Variants in FAM222B observed in about 807,000 individuals in gnomAD.
The protein encoded by FAM222B is protein FAM222B.
In FAM222B, 12 loss-of-function variants were observed where a neutral mutation model predicts 38.0. The ratio of observed to expected loss-of-function variants is 0.32; its 90% CI spans 0.20 to 0.51. The LOEUF (loss-of-function observed/expected upper bound fraction) is 0.51, where lower values mean the gene tolerates loss of function less well. Ranked by LOEUF, FAM222B falls within the 20% of genes least tolerant of loss-of-function variation. FAM222B has a pLI of 0.97. For missense variants in FAM222B, 716 were observed against 754.2 expected, an observed-to-expected ratio of 0.95 and a Z score of 0.59; for synonymous variants, 329 against 317.2, an observed-to-expected ratio of 1.04 and a Z score of -0.40.
intron 1 of FAM222B, among the ~76,000 whole-genome samples, chr17:28,850,747 T>C (rs1380401804): frequency 3.9e-5 from 6 of 152,184 alleles, no homozygotes; most frequent in African/African-American, 1.4e-4. Context: ...GTTGTTTTCA[T>C]CATTGTGGTT....
intron 1 of FAM222B, among the ~76,000 whole-genome samples, chr17:28,770,515 G>A (rs2035573944): frequency 6.6e-6 from 1 of 151,332 alleles, no homozygotes; most frequent in Admixed American, 6.6e-5. Flanking sequence ...CGATTCTCCT[G>A]CCTCAGCCTC....
chr17:28,759,558 G>C lies in FAM222B; in HGVS notation c.401C>G (p.Ala134Gly), dbSNP rs1391122077. The C allele has an allele frequency of 1.2e-6, 2 of 1,608,352 alleles. No homozygotes were observed. The highest frequency in any genetic ancestry group is 2.2e-5 in the South Asian group (2 of 90,240). The part of the protein sequence containing the change: ...LPEAIMNPPV[A>G]PYATVAPSTL... ...GCTGGGTGCCACAGTAGCATAGGGT[G>C]CCACTGGGGGGTTCATGATGGCCTC... Residue 134 changes from alanine to glycine, a missense_variant, in exon 3 of 3, where the codon GCA (alanine) becomes GGA (glycine). Physicochemically the swap from Ala to Gly is moderately conservative, Grantham distance 60. Transcript: ENST00000581407. This position sits in a 1 kb window ranked among gnomAD's most constrained non-coding sequence, Gnocchi z 4.8.
chr17:28,758,982 G>T lies in FAM222B; in HGVS notation c.977C>A (p.Pro326His). 6.2e-7 allele frequency: 1 copy of T among 1,612,088 alleles called. No individual in the cohort carries two copies. Among genetic ancestry groups the T allele is most frequent in the Non-Finnish European group, 8.5e-7 (1 of 1,179,152 alleles). Residue 326 changes from proline (P) to histidine (H), a missense_variant, in exon 3 of 3, where the codon CCC (proline) becomes CAC (histidine). Transcript: ENST00000581407. ...PTPMPSCVVN[P>H]MEHTHAATAA... is the part of the protein sequence containing the mutation. ...GGTGGCCGCGTGGGTGTGCTCCATG[G>T]GATTGACCACACATGAAGGCATTGG...
At chr17:28,819,220 T>C (rs530045731) in intron 1 of FAM222B, among the ~76,000 whole-genome samples, 2 of 152,300 alleles carry the variant, frequency 1.3e-5, no homozygotes, top group African/African-American at 4.8e-5. Context: ...TTCAATGCAA[T>C]AGCCTCCCTT....
At chr17:28,820,996 G>A (rs939677474) in intron 1 of FAM222B, among the ~76,000 whole-genome samples, 3 of 138,296 alleles carry the variant, frequency 2.2e-5, no homozygotes, top group Non-Finnish European at 4.6e-5. Context: ...TCGCTCTGTT[G>A]CCAGGCTGGA....
chr17:28,842,158 A>AC (rs1417920799), intron 1 of FAM222B, among the ~76,000 whole-genome samples: 8 of 152,228 alleles, frequency 5.3e-5, no homozygotes, highest in Admixed American at 4.6e-4. Flanking sequence ...GCCCAAGGTT[A>AC]CCTAACAGCT....
chr17:28,783,514 AT>A lies in FAM222B; in HGVS notation c.-40-16808del, dbSNP rs780468798. Among the ~76,000 whole-genome samples the A allele has an allele frequency of 9.9e-3, 963 of 96,886 alleles. 2 individuals are homozygous for A. Among genetic ancestry groups the A allele is most frequent in the Middle Eastern group, 0.019 (3 of 154 alleles). The allele number at this position is 96,886 out of a possible 152,430, so 63.6% of individuals were successfully genotyped here. A position where few individuals can be genotyped will look rare whatever the true frequency, so the allele number is the denominator to read the frequency against. ...ATAAAATGTACCCTACCTTCATGAGATTTTTTTTTTTTTTTTTAAACAAAGT... is the reference window on the plus strand; with the variant it reads ...ATAAAATGTACCCTACCTTCATGAGATTTTTTTTTTTTTTTTAAACAAAGT... On this transcript the variant is annotated intron_variant, in intron 1 of 2. Coordinates refer to ENST00000581407, the MANE Select transcript of FAM222B (RefSeq NM_001077498.3).
At chr17:28,764,989 T>C (rs1310611087) in intron 2 of FAM222B, among the ~76,000 whole-genome samples, 1 of 152,222 alleles carries the variant, frequency 6.6e-6, no homozygotes, top group Non-Finnish European at 1.5e-5. Flanking sequence ...GCAGTTAGGA[T>C]GCTGATTTGG....
At chr17:28,811,992 T>C (rs1435691388) in intron 1 of FAM222B, among the ~76,000 whole-genome samples, 1 of 151,852 alleles carries the variant, frequency 6.6e-6, no homozygotes, top group Non-Finnish European at 1.5e-5. Flanking sequence ...ATGCGACCGA[T>C]ATCGACACAT....
Position 28,758,323 on chromosome 17 carries a change from G to A in FAM222B, c.1636C>T (p.Pro546Ser), listed in dbSNP as rs766268956. 9.2e-5 allele frequency: 148 copies of A among 1,610,070 alleles called. No individual in the cohort carries two copies. The highest frequency in any genetic ancestry group is 1.2e-4 in the Non-Finnish European group (145 of 1,178,240). The change falls in exon 3 of 3, where the codon CCC becomes TCC. Residue 546 changes from proline to serine, a missense_variant. Coordinates refer to ENST00000581407, the MANE Select transcript of FAM222B (RefSeq NM_001077498.3). Reference protein sequence around the residue: ...KAHRAPGNRAPDPTESRSLHI... With the variant: ...KAHRAPGNRASDPTESRSLHI... ...AGACTTCGACTCTCTGTGGGATCGG[G>A]GGCTCGGTTGCCAGGGGCTCGGTGG...
intron 1 of FAM222B, among the ~76,000 whole-genome samples, chr17:28,789,079 CAAA>C (rs397857027): frequency 1.2e-3 from 74 of 63,446 alleles, no homozygotes; most frequent in Admixed American, 7.7e-3. Context: ...AAAGATACCT[CAAA>C]AAAAAAAAAA....
At chr17:28,819,971 G>A (rs2151942651) in intron 1 of FAM222B, among the ~76,000 whole-genome samples, 1 of 152,296 alleles carries the variant, frequency 6.6e-6, no homozygotes, top group East Asian at 1.9e-4. Flanking sequence ...CCTTTCACTT[G>A]TCCTTGATAC....
intron 1 of FAM222B, among the ~76,000 whole-genome samples, chr17:28,816,586 T>G (rs1442382108): frequency 6.6e-6 from 1 of 151,930 alleles, no homozygotes; most frequent in Non-Finnish European, 1.5e-5. Context: ...ACTCTGACAC[T>G]TAATTTACTC....
At chr17:28,792,618 G>A (rs565688356) in intron 1 of FAM222B, among the ~76,000 whole-genome samples, 28 of 150,760 alleles carry the variant, frequency 1.9e-4, no homozygotes, top group Middle Eastern at 3.4e-3. Context: ...CCATCTCTAC[G>A]AAAAATACAA....
At chr17:28,808,220 A>G (rs2037581929) in intron 1 of FAM222B, among the ~76,000 whole-genome samples, 1 of 152,224 alleles carries the variant, frequency 6.6e-6, no homozygotes, top group African/African-American at 2.4e-5. Context: ...CAAAATAATC[A>G]AACACAGTGG....
At chr17:28,789,457 T>TACAGGCGTTACAGG (rs2036571422) in intron 1 of FAM222B, among the ~76,000 whole-genome samples, 2 of 152,144 alleles carry the variant, frequency 1.3e-5, no homozygotes, top group African/African-American at 4.8e-5. Flanking sequence ...CCCCCCAAAT[T>TACAGGCGTTACAGG]CCTGGGGTTA....
chr17:28,803,744 C>A (rs1283971853), intron 1 of FAM222B, among the ~76,000 whole-genome samples: 1 of 151,986 alleles, frequency 6.6e-6, no homozygotes, highest in Admixed American at 6.6e-5. Context: ...CTTTGGGAGG[C>A]CGAGACGGGT....
chr17:28,803,984 A>C (rs2037359874), intron 1 of FAM222B, among the ~76,000 whole-genome samples: 1 of 152,044 alleles, frequency 6.6e-6, no homozygotes, highest in Admixed American at 6.5e-5. Flanking sequence ...ACGTCTCAAA[A>C]AAAAAACCAA....
At chr17:28,822,381 G>C (rs1469349151) in intron 1 of FAM222B, among the ~76,000 whole-genome samples, 1 of 150,996 alleles carries the variant, frequency 6.6e-6, no homozygotes, top group Non-Finnish European at 1.5e-5. Flanking sequence ...CCAGCACTTT[G>C]GGAGGCCGAA....
Sources: gnomAD v4.1 joint callset for allele counts (sites outside exome capture counted in the v4.1 genomes callset) on GRCh38, gnomAD v4.1.1 for gene constraint, Gnocchi (gnomAD v3.1) non-coding constraint, MANE v1.5 for transcripts, NCBI Gene and HGNC (gene_info 2026-07-23, HGNC 2026-07-21) for gene names.